The following ESRRG variants were observed in gnomAD, a reference collection of about 807,000 sequenced individuals.
ESRRG encodes the protein estrogen related receptor gamma, also known as estrogen-related receptor gamma.
Under a neutral mutation model 44.0 loss-of-function variants are expected in ESRRG, and 13 were observed. The ratio of observed to expected loss-of-function variants is 0.30; its 90% CI spans 0.19 to 0.47. The LOEUF (loss-of-function observed/expected upper bound fraction) is 0.47, where lower values mean the gene tolerates loss of function less well. ESRRG is among the 20% of genes least tolerant of loss of function. The probability of loss-of-function intolerance (pLI) is 1.00; values close to 1 mark genes in which losing one functional copy is unlikely to be tolerated. For missense variants in ESRRG, 395 were observed against 580.6 expected (o/e 0.68, Z 3.29); for synonymous variants, 215 against 214.6 (o/e 1.00, Z -0.02).
chr1:216,736,167 T>A (rs1246097098), intron 2 of ESRRG, among the ~76,000 whole-genome samples: 2 of 143,230 alleles, frequency 1.4e-5, no homozygotes, highest in Admixed American at 7.3e-5. Context: ...TTCTAAGGAG[T>A]TAAGGACTAT....
At position 217,085,583 on chromosome 1, in the gene ESRRG, C is replaced by G. The variant is rs544167085; in HGVS notation, c.-106+3924G>C. ...TCGGCTGACTGCTATCTCTACCTCCCGGGTGCAAGCCATTCTCCTGCCTCA... is the reference window on the plus strand; with the variant it reads ...TCGGCTGACTGCTATCTCTACCTCCGGGGTGCAAGCCATTCTCCTGCCTCA... On this transcript the variant is annotated intron_variant, in intron 1 of 7. Transcript: ENST00000359162. Among the ~76,000 whole-genome samples, 4 of 143,340 alleles carry G rather than the reference C, an allele frequency of 2.8e-5. No homozygotes were observed. In the South Asian group the frequency reaches 9.5e-4, roughly 34 times the overall value. 94.0% of individuals were successfully genotyped at this position (143,340 alleles called of 152,430 possible). A position where few individuals can be genotyped will look rare whatever the true frequency, so the allele number is the denominator to read the frequency against.
At chr1:216,618,936 GC>G (rs2061792798) in intron 3 of ESRRG, among the ~76,000 whole-genome samples, 1 of 152,172 alleles carries the variant, frequency 6.6e-6, no homozygotes, top group African/African-American at 2.4e-5. Context: ...GGTTTCCTTG[GC>G]ACGTGTGATT....
intron 2 of ESRRG, among the ~76,000 whole-genome samples, chr1:216,937,958 A>G (rs1433896874): frequency 6.6e-6 from 1 of 151,622 alleles, no homozygotes; most frequent in Non-Finnish European, 1.5e-5. Flanking sequence ...GATAAAGGTG[A>G]AGGTGTTTTT....
intron 4 of ESRRG, among the ~76,000 whole-genome samples, chr1:216,565,757 G>T (rs1008554315): frequency 3.9e-5 from 6 of 152,012 alleles, no homozygotes; most frequent in South Asian, 2.1e-4. Flanking sequence ...GACTAGAAAA[G>T]AATTAAAAAT....
In ESRRG at chr1:216,826,345, C is replaced by T. The variant is rs188280201; in HGVS notation, c.-14+113237G>A. 2.0e-3 allele frequency among the ~76,000 whole-genome samples: 303 copies of T among 152,176 alleles called. 1 individual carries two copies. Among genetic ancestry groups the T allele is most frequent in the African/African-American group, 5.0e-3 (208 of 41,522 alleles). The stretch of plus-strand genomic sequence containing the variant: ...GATGAAATGTAGTATCAGGATCAAA[C>T]GTACAGTGTAGAATAATGAGAGCTG... On this transcript the variant is annotated intron_variant, in intron 2 of 7. Coordinates refer to the ESRRG transcript ENST00000359162.
intron 1 of ESRRG, among the ~76,000 whole-genome samples, chr1:217,006,168 C>T (rs1306045086): frequency 1.3e-5 from 2 of 152,026 alleles, no homozygotes; most frequent in African/African-American, 4.8e-5. Context: ...GAAAAATAAA[C>T]ATACACTCAA....
intron 3 of ESRRG, among the ~76,000 whole-genome samples, chr1:216,617,248 C>A (rs1302767287): frequency 1.3e-5 from 2 of 152,024 alleles, no homozygotes; most frequent in Non-Finnish European, 2.9e-5. Flanking sequence ...AAACCAAACG[C>A]CACTTGAGAA....
chr1:217,086,341 T>C (rs1012211494), intron 1 of ESRRG, among the ~76,000 whole-genome samples: 5 of 152,224 alleles, frequency 3.3e-5, no homozygotes, highest in African/African-American at 1.2e-4. Flanking sequence ...CTATCCCCAT[T>C]TCATAGGGCT....
chr1:216,802,447 T>C (rs1576706992), intron 2 of ESRRG, among the ~76,000 whole-genome samples: 1 of 152,142 alleles, frequency 6.6e-6, no homozygotes, highest in East Asian at 1.9e-4. Flanking sequence ...AAAGTTGTAG[T>C]TGGAAAAGAA....
At chr1:217,094,801 A>C (rs1217155412) in intron 1 of ESRRG, among the ~76,000 whole-genome samples, 1 of 152,240 alleles carries the variant, frequency 6.6e-6, no homozygotes, top group Non-Finnish European at 1.5e-5. Context: ...CTCTCCACAG[A>C]CCATTCTCAA....
intron 1 of ESRRG, among the ~76,000 whole-genome samples, chr1:217,068,870 TTAA>T (rs1320784809): frequency 6.6e-6 from 1 of 152,180 alleles, no homozygotes; most frequent in Non-Finnish European, 1.5e-5. Flanking sequence ...ATCCCTAACT[TTAA>T]TCCTTCCCCT....
chr1:216,706,408 A>G lies in ESRRG; in HGVS notation c.56+16836T>C, dbSNP rs117796528. Among the ~76,000 whole-genome samples, 6 of 152,270 alleles carry G rather than the reference A, an allele frequency of 3.9e-5. 1 individual carries two copies. The South Asian group carries it at 8.3e-4, about 21-fold the overall frequency. On this transcript the variant is annotated intron_variant, in intron 1 of 6. Coordinates refer to ENST00000408911, the MANE Select transcript of ESRRG (RefSeq NM_001438.4). ...ATATGGAGTGGAAAAGATAAAAACC[A>G]TATGTTTACAGCCTTTTGATGTTGC... is the stretch of plus-strand genomic sequence containing the variant.
At chr1:216,976,982 G>A (rs1489502776) in intron 1 of ESRRG, among the ~76,000 whole-genome samples, 1 of 152,092 alleles carries the variant, frequency 6.6e-6, no homozygotes, top group African/African-American at 2.4e-5. Flanking sequence ...TGGAGATGGA[G>A]TCATTTCCTT....
At chr1:217,061,380 G>A (rs1025558175) in intron 1 of ESRRG, among the ~76,000 whole-genome samples, 1 of 152,082 alleles carries the variant, frequency 6.6e-6, no homozygotes, top group Admixed American at 6.6e-5. Context: ...ATGTAAATAA[G>A]TACTAAATTT....
At chr1:216,605,750 C>T (rs953036473) in intron 3 of ESRRG, among the ~76,000 whole-genome samples, 4 of 151,630 alleles carry the variant, frequency 2.6e-5, no homozygotes, top group Non-Finnish European at 5.9e-5. Flanking sequence ...GAGGATCAAT[C>T]ATTAGAGGAA....
chr1:216,686,005 G>C (rs1385575700), intron 1 of ESRRG: 2 of 152,206 alleles, frequency 1.3e-5, no homozygotes, highest in African/African-American at 4.8e-5. Context: ...TTCTGTGTTA[G>C]ATGGAGATGT....
intron 1 of ESRRG, among the ~76,000 whole-genome samples, chr1:216,966,494 C>T (rs1441516285): frequency 6.6e-6 from 1 of 152,062 alleles, no homozygotes; most frequent in Non-Finnish European, 1.5e-5. Context: ...AGAACAAGAC[C>T]AGAAGGTAGA....
intron 3 of ESRRG, among the ~76,000 whole-genome samples, chr1:216,627,214 T>G (rs2150591425): frequency 6.6e-6 from 1 of 152,336 alleles, no homozygotes; most frequent in South Asian, 2.1e-4. Context: ...CTACAAATTT[T>G]AAGATTGTAT....
intron 5 of ESRRG, among the ~76,000 whole-genome samples, chr1:216,548,976 G>A (rs962102109): frequency 2.0e-5 from 3 of 152,074 alleles, no homozygotes; most frequent in African/African-American, 7.2e-5. Context: ...AAGGGACCTA[G>A]CAGGCCAAAT....
Sources: gnomAD v4.1 joint callset for allele counts (sites outside exome capture counted in the v4.1 genomes callset) on GRCh38, gnomAD v4.1.1 for gene constraint, MANE v1.5 for transcripts, NCBI Gene and HGNC (gene_info 2026-07-23, HGNC 2026-07-21) for gene names.